The following STAG2 variants were observed in gnomAD, a reference collection of about 807,000 sequenced individuals.
STAG2 encodes the protein STAG2 cohesin complex component, also known as cohesin subunit SA-2.
In STAG2, 14 loss-of-function variants were observed where a neutral mutation model predicts 108.1. The ratio of observed to expected loss-of-function variants is 0.13; its 90% CI spans 0.09 to 0.20. The LOEUF is 0.20. STAG2 is among the 10% of genes least tolerant of loss of function. The probability of loss-of-function intolerance (pLI) is 1.00; values close to 1 mark genes in which losing one functional copy is unlikely to be tolerated. For missense variants in STAG2, 440 were observed against 940.9 expected (o/e 0.47, Z 6.96); for synonymous variants, 307 against 302.7 (o/e 1.01, Z -0.15).
chrX:124,052,442 T>C (rs1410571374), intron 13 of STAG2, among the ~76,000 whole-genome samples: 2 of 112,642 alleles, frequency 1.8e-5, no homozygotes, highest in Non-Finnish European at 3.7e-5. Context: ...ATTTGTTTTT[T>C]GCATCTGGCT....
chrX:124,007,864 A>C (rs1349484346), intron 1 of STAG2, among the ~76,000 whole-genome samples: 1 of 112,136 alleles, frequency 8.9e-6, no homozygotes, highest in Admixed American at 9.5e-5. Flanking sequence ...TGCTACACTG[A>C]CTTCCACATT....
intron 29 of STAG2, 29 bp downstream of exon 29, chrX:124,083,578 A>T: frequency 9.0e-7 from 1 of 1,113,435 alleles, no homozygotes; most frequent in Non-Finnish European, 1.2e-6. Context: ...TGTCCTATTT[A>T]ATTTCATTTT....
chrX:123,992,191 A>G (rs1482539090), intron 1 of STAG2, among the ~76,000 whole-genome samples: 1 of 111,522 alleles, frequency 9.0e-6, no homozygotes, highest in Non-Finnish European at 1.9e-5. Context: ...CCATCCATCT[A>G]GCTTTTGTGC....
chrX:124,072,732 A>G (rs916907805), intron 25 of STAG2, among the ~76,000 whole-genome samples: 1 of 108,838 alleles, frequency 9.2e-6, no homozygotes, highest in East Asian at 2.9e-4. Context: ...ATGGAGTCTC[A>G]CTCTGCTATC....
chrX:123,974,198 G>A (rs926333888), intron 1 of STAG2, among the ~76,000 whole-genome samples: 1 of 108,883 alleles, frequency 9.2e-6, no homozygotes, highest in Non-Finnish European at 1.9e-5. Flanking sequence ...AATAAACAAA[G>A]TTAAAAGAGC....
At chrX:124,000,025 A>C (rs2055951256) in intron 1 of STAG2, among the ~76,000 whole-genome samples, 1 of 109,731 alleles carries the variant, frequency 9.1e-6, no homozygotes, top group South Asian at 3.9e-4. Context: ...TGGTCTCTTA[A>C]GCCTCAACTC....
intron 29 of STAG2, among the ~76,000 whole-genome samples, chrX:124,083,862 G>T (rs1463615938): frequency 8.9e-6 from 1 of 111,986 alleles, no homozygotes; most frequent in African/African-American, 3.2e-5. Flanking sequence ...CTGGGCTCCA[G>T]TGATTTTCCT....
In STAG2 at chrX:124,080,105, ATACT is replaced by A. The variant is rs779982903; in HGVS notation, c.2776-1269_2776-1266del. ...CTAATTAACATAAACATTACATCAC[ATACT>A]TACTTGTGGTAAGAACATTTAAGAC... is the stretch of plus-strand genomic sequence containing the variant. On this transcript the variant is annotated intron_variant, in intron 27 of 34. Coordinates refer to ENST00000371145, the MANE Select transcript of STAG2 (RefSeq NM_001042750.2). Among the ~76,000 whole-genome samples the A allele has an allele frequency of 1.3e-4, 14 of 111,876 alleles. No individual in the cohort carries two copies. In the South Asian group the frequency reaches 2.6e-3, roughly 21 times the overall value.
intron 5 of STAG2, among the ~76,000 whole-genome samples, chrX:124,031,796 T>C (rs938753592): frequency 9.3e-6 from 1 of 107,430 alleles, no homozygotes; most frequent in Non-Finnish European, 1.9e-5. Context: ...AGTGGCACGA[T>C]CTCTGCTCAC....
At chrX:124,066,044 CGTT>C in intron 21 of STAG2, 98 bp downstream of exon 21, 1 of 925,620 alleles carries the variant, frequency 1.1e-6, no homozygotes, top group Non-Finnish European at 1.5e-6. Context: ...TTGTTGTTGT[CGTT>C]GTGGGGGCAT....
At chrX:124,066,094 G>T in intron 21 of STAG2, 81 bp from the exon 22 acceptor site, 1 of 978,175 alleles carries the variant, frequency 1.0e-6, no homozygotes. Flanking sequence ...TCTGTTAACA[G>T]TCAAGTCCAA....
intron 13 of STAG2, among the ~76,000 whole-genome samples, chrX:124,055,285 A>C (rs183817638): frequency 8.9e-6 from 1 of 112,527 alleles, no homozygotes; most frequent in African/African-American, 3.2e-5. Context: ...GTGTGCTTCA[A>C]CTATCCAGTA....
At chrX:124,047,302 A>G in intron 8 of STAG2, 52 bp from the exon 9 acceptor site, 2 of 1,055,461 alleles carry the variant, frequency 1.9e-6, no homozygotes, top group East Asian at 6.5e-5. Context: ...TAAATTGTAA[A>G]TTTTTGTGTC....
chrX:124,031,314 T>C (rs1293445012), intron 5 of STAG2, among the ~76,000 whole-genome samples, 189 bp downstream of exon 5: 1 of 111,732 alleles, frequency 8.9e-6, no homozygotes, highest in Non-Finnish European at 1.9e-5. Context: ...TGTGTTTTGA[T>C]TCATTTTCTG....
Position 124,028,269 on chromosome X carries a change from C to G in STAG2, c.123+2351C>G, listed in dbSNP as rs765949009. On this transcript the variant is annotated intron_variant, in intron 4 of 34. Transcript: ENST00000371145. ...GACCCCCAGTGGATGCCTGAAATTGCGGATAGTACAGAACCTTGCATATTG... is the reference window on the plus strand; with the variant it reads ...GACCCCCAGTGGATGCCTGAAATTGGGGATAGTACAGAACCTTGCATATTG... 4.5e-5 allele frequency among the ~76,000 whole-genome samples: 5 copies of G among 110,872 alleles called. No individual in the cohort carries two copies. In the East Asian group the frequency reaches 1.4e-3, roughly 31 times the overall value.
intron 1 of STAG2, among the ~76,000 whole-genome samples, chrX:123,964,630 G>T (rs2054011320): frequency 9.0e-6 from 1 of 110,573 alleles, no homozygotes; most frequent in Admixed American, 9.7e-5. Context: ...GGTTGGAAAA[G>T]AAATGTACTT....
In STAG2 at chrX:124,061,483, A is replaced by G. The variant is rs1408735595; in HGVS notation, c.1534+142A>G. 3 of 465,797 alleles carry G rather than the reference A, an allele frequency of 6.4e-6. No homozygotes were observed. In the African/African-American group the frequency reaches 7.4e-5, roughly 11 times the overall value. 38.4% of individuals were successfully genotyped at this position (465,797 alleles called of 1,213,427 possible). ...TGCATAGTTTTGTTTTCATATAAATATTATGCTATGTAAAAAGATGTAATT... is the reference window on the plus strand; with the variant it reads ...TGCATAGTTTTGTTTTCATATAAATGTTATGCTATGTAAAAAGATGTAATT... On this transcript the variant is annotated intron_variant, in intron 16 of 34. Coordinates refer to ENST00000371145, the MANE Select transcript of STAG2 (RefSeq NM_001042750.2).
chrX:124,066,955 A>C lies in STAG2; in HGVS notation c.2265+519A>C, dbSNP rs531539048. On this transcript the variant is annotated intron_variant, in intron 23 of 34. Coordinates refer to ENST00000371145, the MANE Select transcript of STAG2 (RefSeq NM_001042750.2). ...CTTAATGTGTTTAGTAATTGAACTA[A>C]ACAGGACTGCCTTTTCCATTTGTAA... is the stretch of plus-strand genomic sequence containing the variant. Among the ~76,000 whole-genome samples, 3 of 112,002 alleles carry C rather than the reference A, an allele frequency of 2.7e-5. No homozygotes were observed. In the East Asian group the frequency reaches 8.4e-4, roughly 31 times the overall value.
At chrX:123,992,582 A>C (rs913418394) in intron 1 of STAG2, among the ~76,000 whole-genome samples, 1 of 110,490 alleles carries the variant, frequency 9.1e-6, no homozygotes. Flanking sequence ...TCTGTCTCCC[A>C]GGCTGGAGTG....
Sources: gnomAD v4.1 joint callset for allele counts (sites outside exome capture counted in the v4.1 genomes callset) on GRCh38, gnomAD v4.1.1 for gene constraint, MANE v1.5 for transcripts, NCBI Gene and HGNC (gene_info 2026-07-23, HGNC 2026-07-21) for gene names.